Variants in SAMD12 observed in about 807,000 individuals in gnomAD.
SAMD12 encodes the protein sterile alpha motif domain containing 12.
A neutral mutation model predicts 15.0 loss-of-function variants in SAMD12; 9 were observed. That is an observed-to-expected ratio of 0.60 (90% CI 0.36 to 1.05). The LOEUF is 1.05. Ranked by LOEUF, SAMD12 falls within the 50% of genes least tolerant of loss-of-function variation. The probability of loss-of-function intolerance (pLI) is 0.01; values close to 1 mark genes in which losing one functional copy is unlikely to be tolerated. For synonymous variants in SAMD12, 86 were observed against 90.1 expected, an observed-to-expected ratio of 0.96 and a Z score of 0.25; for missense variants, 230 against 234.2, an observed-to-expected ratio of 0.98 and a Z score of 0.12.
At chr8:118,226,667 G>GA (rs1812195978) in intron 4 of SAMD12, among the ~76,000 whole-genome samples, 1 of 152,174 alleles carries the variant, frequency 6.6e-6, no homozygotes, top group Non-Finnish European at 1.5e-5. Context: ...CTGCCCTGGA[G>GA]AAAGTAATAA....
At chr8:118,412,581 T>C (rs1416176988) in intron 3 of SAMD12, among the ~76,000 whole-genome samples, 2 of 152,132 alleles carry the variant, frequency 1.3e-5, no homozygotes, top group African/African-American at 4.8e-5. Context: ...ATATGGAGTA[T>C]AGCAAAGGTT....
intron 4 of SAMD12, among the ~76,000 whole-genome samples, chr8:118,264,007 T>C (rs1437017666): frequency 1.3e-5 from 2 of 152,170 alleles, no homozygotes; most frequent in African/African-American, 2.4e-5. Context: ...TCCATTGCAA[T>C]TGAAATAGTA....
At chr8:118,546,235 A>C (rs2131163539) in intron 2 of SAMD12, among the ~76,000 whole-genome samples, 1 of 152,326 alleles carries the variant, frequency 6.6e-6, no homozygotes, top group South Asian at 2.1e-4. Context: ...TTAACATTTA[A>C]GCCAAGACCT....
the SAMD12 span, among the ~76,000 whole-genome samples, chr8:118,150,323 C>T: frequency 6.6e-6 from 1 of 152,130 alleles, no homozygotes; most frequent in African/African-American, 2.4e-5. Flanking sequence ...TGCCCTTATA[C>T]TATTGTTGCA....
At chr8:118,145,659 G>A in the SAMD12 span, among the ~76,000 whole-genome samples, 10 of 152,324 alleles carry the variant, frequency 6.6e-5, no homozygotes, top group South Asian at 4.1e-4. Flanking sequence ...GTGAGGAAGC[G>A]GGATTGGACA....
At chr8:118,586,243 G>A (rs1827436040) in intron 1 of SAMD12, among the ~76,000 whole-genome samples, 1 of 151,976 alleles carries the variant, frequency 6.6e-6, no homozygotes, top group South Asian at 2.1e-4. Context: ...AACTGCTTCA[G>A]GAAATATTAA....
At chr8:118,351,144 A>T (rs1469903663) in intron 4 of SAMD12, among the ~76,000 whole-genome samples, 2 of 152,240 alleles carry the variant, frequency 1.3e-5, no homozygotes, top group East Asian at 3.8e-4. Context: ...ATGTAAAAAG[A>T]TGCTTACTTT....
chr8:118,137,195 T>G, the SAMD12 span, among the ~76,000 whole-genome samples: 1 of 152,154 alleles, frequency 6.6e-6, no homozygotes. Flanking sequence ...AATGAAGTAG[T>G]GGCCGGCAAT....
At chr8:118,137,154 C>G in the SAMD12 span, among the ~76,000 whole-genome samples, 1 of 152,296 alleles carries the variant, frequency 6.6e-6, no homozygotes, top group Non-Finnish European at 1.5e-5. Context: ...CTAGTGGTTT[C>G]CCATTGGCCA....
chr8:118,377,341 T>G (rs1032491851), downstream of SAMD12, among the ~76,000 whole-genome samples: 4 of 152,128 alleles, frequency 2.6e-5, no homozygotes, highest in Admixed American at 2.6e-4. Context: ...GAGGTTGCAG[T>G]GAGCCAAGAT....
At chr8:118,172,900 A>C in the SAMD12 span, among the ~76,000 whole-genome samples, 1 of 152,064 alleles carries the variant, frequency 6.6e-6, no homozygotes, top group Non-Finnish European at 1.5e-5. Flanking sequence ...ACAACTCCCC[A>C]TTTATCCCTC....
chr8:118,567,213 G>A (rs1168060243), intron 2 of SAMD12, among the ~76,000 whole-genome samples: 1 of 152,062 alleles, frequency 6.6e-6, no homozygotes, highest in African/African-American at 2.4e-5. Context: ...TTGGTCCTGG[G>A]TAAGTGGCAG....
At chr8:118,533,860 G>C (rs1253247474) in intron 2 of SAMD12, among the ~76,000 whole-genome samples, 1 of 151,862 alleles carries the variant, frequency 6.6e-6, no homozygotes, top group Non-Finnish European at 1.5e-5. Context: ...TGGGTTTCCT[G>C]AATACAGCAC....
intron 2 of SAMD12, among the ~76,000 whole-genome samples, chr8:118,567,325 T>C (rs1032052458): frequency 1.3e-5 from 2 of 151,144 alleles, no homozygotes; most frequent in Non-Finnish European, 3.0e-5. Context: ...TTCTGCTTGA[T>C]AAAAAAACGC....
At chr8:118,245,358 CA>C (rs1031367036) in intron 4 of SAMD12, among the ~76,000 whole-genome samples, 1 of 152,014 alleles carries the variant, frequency 6.6e-6, no homozygotes, top group Non-Finnish European at 1.5e-5. Context: ...ATTATGGAAC[CA>C]AAAACATTAG....
At chr8:118,197,618 T>A in exon 5 of SAMD12, 1 of 1,042,562 alleles carries the variant, frequency 9.6e-7, no homozygotes, top group Admixed American at 1.7e-5. Context: ...TCCAAGGATA[T>A]CTTCTGGCAG....
chr8:118,578,482 C>A (rs1827205567), intron 2 of SAMD12, among the ~76,000 whole-genome samples: 1 of 152,170 alleles, frequency 6.6e-6, no homozygotes, highest in African/African-American at 2.4e-5. Context: ...TAGAGGTATG[C>A]ATTTCTAGCC....
chr8:118,593,786 T>C lies in SAMD12; in HGVS notation c.14-12893A>G, dbSNP rs187157704. Among the ~76,000 whole-genome samples, 56 of 152,308 alleles carry C rather than the reference T, an allele frequency of 3.7e-4. No homozygotes were observed. In the East Asian group the frequency reaches 0.01, roughly 28 times the overall value. ...GAAATTACGTCGGAAAATTATTTTC[T>C]TTTCTATAGTTGTGTAATTGTTTGT... is the stretch of plus-strand genomic sequence containing the variant. On this transcript the variant is annotated intron_variant, in intron 1 of 3. Transcript: ENST00000314727.
At chr8:118,192,023 T>C (rs1417643486) in exon 5 of SAMD12, 1 of 151,254 alleles carries the variant, frequency 6.6e-6, no homozygotes, top group African/African-American at 2.4e-5. Context: ...TCTGAGAAGA[T>C]GGGAGAAGAC....
Sources: allele counts gnomAD v4.1 joint callset (sites outside exome capture counted in the v4.1 genomes callset), GRCh38; gene constraint gnomAD v4.1.1; transcripts MANE v1.5; gene names NCBI Gene and HGNC (gene_info 2026-07-23, HGNC 2026-07-21).